EFCAB11: variants seen among roughly 807,000 people sequenced by gnomAD.
EFCAB11 encodes EF-hand calcium-binding domain-containing protein 11.
Under a neutral mutation model 23.0 loss-of-function variants are expected in EFCAB11, and 14 were observed. The observed-to-expected ratio is 0.61, with a 90% CI of 0.40 to 0.95. The LOEUF (loss-of-function observed/expected upper bound fraction) is 0.95. Ranked by LOEUF, EFCAB11 falls within the 40% of genes least tolerant of loss-of-function variation. The pLI is 0.00. For synonymous variants in EFCAB11, 65 were observed against 66.6 expected (o/e 0.98, Z 0.11); for missense variants, 198 against 195.8 (o/e 1.01, Z -0.07).
At chr14:89,919,389 G>A (rs974661224) in intron 5 of EFCAB11, among the ~76,000 whole-genome samples, 1 of 152,178 alleles carries the variant, frequency 6.6e-6, no homozygotes, top group Non-Finnish European at 1.5e-5. Flanking sequence ...AACAAAGGGC[G>A]GGGGCCTTGG....
intron 5 of EFCAB11, among the ~76,000 whole-genome samples, chr14:89,857,869 T>C (rs756703463): frequency 1.3e-5 from 2 of 152,170 alleles, no homozygotes; most frequent in Non-Finnish European, 2.9e-5. Flanking sequence ...CATTATCTTA[T>C]ACAAGAGAAT....
At chr14:89,834,465 T>C (rs1188868329) in intron 5 of EFCAB11, among the ~76,000 whole-genome samples, 1 of 150,042 alleles carries the variant, frequency 6.7e-6, no homozygotes, top group Non-Finnish European at 1.5e-5. Context: ...TGGATCTGCA[T>C]ATGTAATTTG....
At chr14:89,817,977 G>C (rs780166193) in intron 5 of EFCAB11, among the ~76,000 whole-genome samples, 3 of 150,402 alleles carry the variant, frequency 2.0e-5, no homozygotes, top group Non-Finnish European at 1.5e-5. Flanking sequence ...CTGGGTGACA[G>C]AGTGAGACTC....
chr14:89,923,878 G>A (rs942815411), intron 5 of EFCAB11: 1 of 985,290 alleles, frequency 1.0e-6, no homozygotes, highest in Non-Finnish European at 1.2e-6. Flanking sequence ...ATTACAGTGA[G>A]AAATAACATT....
chr14:89,891,522 TAA>T (rs1404394767), intron 5 of EFCAB11, among the ~76,000 whole-genome samples: 1 of 152,140 alleles, frequency 6.6e-6, no homozygotes, highest in Non-Finnish European at 1.5e-5. Context: ...TGTTTATAAT[TAA>T]AGTTATAAAA....
At chr14:89,920,814 C>T (rs966860786) in intron 5 of EFCAB11, among the ~76,000 whole-genome samples, 1 of 152,128 alleles carries the variant, frequency 6.6e-6, no homozygotes, top group African/African-American at 2.4e-5. Context: ...CCTGTGATCC[C>T]AGCACTCCGG....
At chr14:89,948,063 C>T (rs1486015249) in intron 3 of EFCAB11, among the ~76,000 whole-genome samples, 2 of 151,804 alleles carry the variant, frequency 1.3e-5, no homozygotes, top group African/African-American at 4.8e-5. Flanking sequence ...CATCCAGCTG[C>T]ACAAGTCAGA....
chr14:89,921,059 T>C (rs1473587634), intron 5 of EFCAB11, among the ~76,000 whole-genome samples: 1 of 105,606 alleles, frequency 9.5e-6, no homozygotes. Context: ...AGTGAGACTC[T>C]GTCTAAAAAA....
chr14:89,940,308 C>T (rs1006293337), intron 3 of EFCAB11, among the ~76,000 whole-genome samples: 2 of 152,166 alleles, frequency 1.3e-5, no homozygotes, highest in African/African-American at 4.8e-5. Context: ...CCTGCTATAC[C>T]CTGATCTTTG....
chr14:89,872,738 G>A (rs1289669542), intron 5 of EFCAB11, among the ~76,000 whole-genome samples: 1 of 152,060 alleles, frequency 6.6e-6, no homozygotes, highest in African/African-American at 2.4e-5. Flanking sequence ...TCATGCAGGT[G>A]GGCCCTAATC....
At chr14:89,830,895 G>A (rs1363689292) in intron 5 of EFCAB11, 1 of 152,284 alleles carries the variant, frequency 6.6e-6, no homozygotes, top group East Asian at 1.9e-4. Flanking sequence ...TTACATATTG[G>A]AGGTCACAAA....
chr14:89,906,743 G>A (rs1889512656), intron 5 of EFCAB11, among the ~76,000 whole-genome samples: 1 of 152,058 alleles, frequency 6.6e-6, no homozygotes, highest in Admixed American at 6.6e-5. Flanking sequence ...TAGCCAGGAG[G>A]GGAACATTAG....
chr14:89,835,651 G>A (rs558774577), intron 5 of EFCAB11, among the ~76,000 whole-genome samples: 4 of 92,224 alleles, frequency 4.3e-5, no homozygotes, highest in South Asian at 4.1e-4. Context: ...TGTTTGAGAC[G>A]TTGTCTCACT....
In EFCAB11 at chr14:89,822,594, T is replaced by C. The variant is rs571116884; in HGVS notation, c.411-25270A>G. Reference sequence around the variant, plus strand: ...TGTGCAGAAAAAAAGCTCCAGAAATTGGCCTCGGTGTCATTTGAGTCTGGT... The same window carrying C: ...TGTGCAGAAAAAAAGCTCCAGAAATCGGCCTCGGTGTCATTTGAGTCTGGT... On this transcript the variant is annotated intron_variant, in intron 5 of 5. Coordinates refer to ENST00000316738, the MANE Select transcript of EFCAB11 (RefSeq NM_145231.4). Among the ~76,000 whole-genome samples, 8 of 152,220 alleles carry C rather than the reference T, an allele frequency of 5.3e-5. No homozygotes were observed. The South Asian group carries it at 1.2e-3, about 24-fold the overall frequency.
intron 5 of EFCAB11, among the ~76,000 whole-genome samples, chr14:89,859,001 G>A (rs1382656595): frequency 6.6e-6 from 1 of 152,140 alleles, no homozygotes; most frequent in Non-Finnish European, 1.5e-5. Context: ...ACTCAAAAGA[G>A]TGGTGGATTG....
chr14:89,932,471 T>C (rs1744671550), intron 4 of EFCAB11, 55 bp downstream of exon 4: 2 of 1,364,816 alleles, frequency 1.5e-6, no homozygotes, highest in South Asian at 2.4e-5. Flanking sequence ...ATAATCCTAT[T>C]TGCAATCCCT....
At chr14:89,803,535 C>G (rs17717270) in intron 5 of EFCAB11, among the ~76,000 whole-genome samples, 83,972 of 152,058 alleles carry the variant, frequency 0.55, 23,476 homozygotes, top group Middle Eastern at 0.66. Context: ...AATGTGGAGG[C>G]CAAGATTTAA....
intron 5 of EFCAB11, among the ~76,000 whole-genome samples, chr14:89,927,880 C>T (rs1032407431): frequency 6.6e-6 from 1 of 152,122 alleles, no homozygotes; most frequent in Non-Finnish European, 1.5e-5. Flanking sequence ...CACCACCACG[C>T]CCAGCTAATT....
chr14:89,948,523 T>C (rs916240914), intron 3 of EFCAB11, among the ~76,000 whole-genome samples: 10 of 152,226 alleles, frequency 6.6e-5, no homozygotes, highest in Admixed American at 1.3e-4. Context: ...ATGGAAGATA[T>C]CTGCATTCTC....
Sources: gnomAD v4.1 joint callset for allele counts (sites outside exome capture counted in the v4.1 genomes callset) on GRCh38, gnomAD v4.1.1 for gene constraint, MANE v1.5 for transcripts, NCBI Gene and HGNC (gene_info 2026-07-23, HGNC 2026-07-21) for gene names.